Variants in CFAP77 observed in about 807,000 individuals in gnomAD.
CFAP77 encodes the protein cilia- and flagella-associated protein 77.
CFAP77 carries 25 observed loss-of-function variants against 31.1 expected under a neutral mutation model. That is an observed-to-expected ratio of 0.80 (90% CI 0.59 to 1.12). CFAP77 has a LOEUF of 1.12. CFAP77 is among the 50% of genes most tolerant of loss of function. CFAP77 has a pLI of 0.00. For synonymous variants in CFAP77, 151 were observed against 159.9 expected, an observed-to-expected ratio of 0.94 and a Z score of 0.42; for missense variants, 377 against 397.3, an observed-to-expected ratio of 0.95 and a Z score of 0.44.
chr9:132,450,131 C>T (rs1297578316), intron 1 of CFAP77, among the ~76,000 whole-genome samples: 8 of 151,974 alleles, frequency 5.3e-5, no homozygotes, highest in East Asian at 3.9e-4. Context: ...GGGGTTTCAT[C>T]GTGGTAGCCA....
In CFAP77 at chr9:132,479,501, G is replaced by C. The variant is rs568186791; in HGVS notation, c.196-19194G>C. ...GTTGAGCCAAGGTCCTCCTTGTGGC[G>C]TTCTTGAAATACTCTTCATTCATCC... On this transcript the variant is annotated intron_variant, in intron 1 of 5. Coordinates refer to ENST00000393216, the MANE Select transcript of CFAP77 (RefSeq NM_001282957.2). Among the ~76,000 whole-genome samples, 11 of 152,318 alleles carry C rather than the reference G, an allele frequency of 7.2e-5. No homozygotes were observed. The East Asian group carries it at 1.9e-3, about 27-fold the overall frequency.
At chr9:132,524,001 A>T (rs1852313992) in intron 3 of CFAP77, among the ~76,000 whole-genome samples, 1 of 151,912 alleles carries the variant, frequency 6.6e-6, no homozygotes, top group African/African-American at 2.4e-5. Context: ...ATCCTTTTTT[A>T]AATTTTCTAA....
intron 1 of CFAP77, chr9:132,482,520 C>T (rs1281544741): frequency 1.6e-5 from 13 of 795,930 alleles, no homozygotes; most frequent in African/African-American, 1.0e-4. Flanking sequence ...GCACCCGTGG[C>T]GCTTCACCTC....
At chr9:132,485,304 G>A (rs978188781) in intron 1 of CFAP77, among the ~76,000 whole-genome samples, 16 of 152,136 alleles carry the variant, frequency 1.1e-4, no homozygotes, top group African/African-American at 3.1e-4. Context: ...GCCACCCTCC[G>A]AGCTGGAGGC....
chr9:132,453,931 T>C (rs937671426), intron 1 of CFAP77, among the ~76,000 whole-genome samples: 1 of 152,206 alleles, frequency 6.6e-6, no homozygotes, highest in Non-Finnish European at 1.5e-5. Flanking sequence ...AGATTTGAAT[T>C]TATCAGCGTG....
At chr9:132,540,705 T>C (rs1852625411) in intron 4 of CFAP77, among the ~76,000 whole-genome samples, 1 of 152,176 alleles carries the variant, frequency 6.6e-6, no homozygotes, top group Non-Finnish European at 1.5e-5. Flanking sequence ...GGATGAATAG[T>C]GTGATCTTTT....
intron 5 of CFAP77, 36 bp from the exon 6 acceptor site, chr9:132,572,352 T>C (rs747906577): frequency 6.2e-7 from 1 of 1,602,524 alleles, no homozygotes; most frequent in South Asian, 1.1e-5. Flanking sequence ...CACTGAAGTC[T>C]CCCCTCACCC....
intron 1 of CFAP77, among the ~76,000 whole-genome samples, chr9:132,459,778 G>C (rs965151505): frequency 6.6e-6 from 1 of 151,040 alleles, no homozygotes; most frequent in African/African-American, 2.4e-5. Context: ...GTGTGTGTGA[G>C]AGCGTGTGTG....
chr9:132,557,893 C>G (rs925546203), intron 5 of CFAP77, among the ~76,000 whole-genome samples: 1 of 151,348 alleles, frequency 6.6e-6, no homozygotes. Context: ...GATGTCTCCT[C>G]CCCCGGTTCT....
At position 132,511,860 on chromosome 9, in the gene CFAP77, C is replaced by T. The variant is rs1852047979; in HGVS notation, c.524+12260C>T. On this transcript the variant is annotated intron_variant, in intron 3 of 5. Coordinates refer to ENST00000393216, the MANE Select transcript of CFAP77 (RefSeq NM_001282957.2). The surrounding 1 kb of genome is among the most constrained non-coding windows in gnomAD (Gnocchi z 5.8). Reference sequence around the variant, plus strand: ...CACGAGGTCAGGAGTTCGACACCAGCCTGACCAATATGGTGAAATCCCGTC... The same window carrying T: ...CACGAGGTCAGGAGTTCGACACCAGTCTGACCAATATGGTGAAATCCCGTC... 6.6e-6 allele frequency among the ~76,000 whole-genome samples: 1 copy of T among 152,116 alleles called. No homozygotes were observed. The highest frequency in any genetic ancestry group is 1.5e-5 in the Non-Finnish European group (1 of 68,012).
At chr9:132,413,828 G>A (rs1054289817) in intron 1 of CFAP77, among the ~76,000 whole-genome samples, 2 of 152,126 alleles carry the variant, frequency 1.3e-5, no homozygotes, top group South Asian at 2.1e-4. Flanking sequence ...CGTAGCACCC[G>A]ATTTTTTCAT....
chr9:132,550,367 T>C (rs1231197221), intron 5 of CFAP77, among the ~76,000 whole-genome samples: 2 of 152,204 alleles, frequency 1.3e-5, no homozygotes, highest in African/African-American at 4.8e-5. Context: ...ATGTTGAATT[T>C]TGGGAGTTGA....
intron 1 of CFAP77, among the ~76,000 whole-genome samples, chr9:132,437,610 C>T (rs1485065738): frequency 6.7e-6 from 1 of 149,922 alleles, no homozygotes. Context: ...CCCGGGTTCA[C>T]GCCATTCTCC....
At chr9:132,463,383 G>T (rs1306617756) in intron 1 of CFAP77, among the ~76,000 whole-genome samples, 1 of 152,200 alleles carries the variant, frequency 6.6e-6, no homozygotes, top group Non-Finnish European at 1.5e-5. Flanking sequence ...TCTGGGGGCA[G>T]AAGCTTATTT....
chr9:132,554,352 TA>T lies in CFAP77; in HGVS notation c.732+11306del, dbSNP rs1326838944. 1.3e-5 allele frequency among the ~76,000 whole-genome samples: 2 copies of T among 150,846 alleles called. No homozygotes were observed. The highest frequency in any genetic ancestry group is 2.5e-5 in the African/African-American group (1 of 40,360). ...ATGCAACCCTTATTTTTATTTTATT[TA>T]TTTTTTTTTTTGAGACAGGCTCTCA... On this transcript the variant is annotated intron_variant, in intron 5 of 5. Transcript: ENST00000393216. This position sits in a 1 kb window ranked among gnomAD's most constrained non-coding sequence, Gnocchi z 4.1.
intron 1 of CFAP77, among the ~76,000 whole-genome samples, chr9:132,414,289 G>A (rs1421925007): frequency 6.6e-6 from 1 of 152,204 alleles, no homozygotes; most frequent in Non-Finnish European, 1.5e-5. Context: ...CAAGTGCCCA[G>A]TGCCATCCTG....
At position 132,517,091 on chromosome 9, in the gene CFAP77, A is replaced by G. The variant is rs534731859; in HGVS notation, c.524+17491A>G. Among the ~76,000 whole-genome samples, 13 of 152,068 alleles carry G rather than the reference A, an allele frequency of 8.5e-5. No homozygotes were observed. Among genetic ancestry groups the G allele is most frequent in the African/African-American group, 2.7e-4 (11 of 41,462 alleles). On this transcript the variant is annotated intron_variant, in intron 3 of 5. Coordinates refer to ENST00000393216, the MANE Select transcript of CFAP77 (RefSeq NM_001282957.2). The surrounding 1 kb of genome is among the most constrained non-coding windows in gnomAD (Gnocchi z 4.7). The stretch of plus-strand genomic sequence containing the variant: ...AGGTGGAGAGGGTGGATCTCCCTAG[A>G]CGGCTCCACTTCTGGGTGTCCCTCA...
intron 1 of CFAP77, among the ~76,000 whole-genome samples, chr9:132,423,850 C>T (rs770581672): frequency 5.9e-5 from 9 of 152,234 alleles, no homozygotes; most frequent in Non-Finnish European, 1.3e-4. Context: ...TGTCATGCTT[C>T]CTACATGTTA....
In CFAP77 at chr9:132,499,849, G is replaced by A. The variant is rs1277292681; in HGVS notation, c.524+249G>A. ...CCCACTTTCCCTTGATCAACAAACA[G>A]TGATTGAGACCTGTCCCTGGGCCAG... On this transcript the variant is annotated intron_variant, in intron 3 of 5. Coordinates refer to ENST00000393216, the MANE Select transcript of CFAP77 (RefSeq NM_001282957.2). This position sits in a 1 kb window ranked among gnomAD's most constrained non-coding sequence, Gnocchi z 5.4. Among the ~76,000 whole-genome samples the A allele has an allele frequency of 6.6e-6, 1 of 152,088 alleles. No individual in the cohort carries two copies. Among genetic ancestry groups the A allele is most frequent in the African/African-American group, 2.4e-5 (1 of 41,392 alleles).
Sources: gnomAD v4.1 joint callset for allele counts (sites outside exome capture counted in the v4.1 genomes callset) on GRCh38, gnomAD v4.1.1 for gene constraint, Gnocchi (gnomAD v3.1) non-coding constraint, MANE v1.5 for transcripts, NCBI Gene and HGNC (gene_info 2026-07-23, HGNC 2026-07-21) for gene names.